Variants in SGCZ observed in about 807,000 individuals in gnomAD.
SGCZ encodes sarcoglycan zeta.
Under a neutral mutation model 41.3 loss-of-function variants are expected in SGCZ, and 40 were observed. That is an observed-to-expected ratio of 0.97 (90% confidence interval 0.75 to 1.26). The LOEUF is 1.26. SGCZ is among the 50% of genes most tolerant of loss of function. The pLI, the probability that SGCZ is intolerant of heterozygous loss-of-function variation, is 0.00. For synonymous variants in SGCZ, 206 were observed against 137.5 expected (o/e 1.50, Z -3.49); for missense variants, 552 against 369.8 (o/e 1.49, Z -4.04).
In SGCZ at chr8:14,866,741, A is replaced by G. The variant is rs60485468; in HGVS notation, c.40-311815T>C. Among the ~76,000 whole-genome samples the G allele has an allele frequency of 4.0e-3, 615 of 152,098 alleles. 4 individuals are homozygous for G. The highest frequency in any genetic ancestry group is 0.018 in the South Asian group (87 of 4,822). On this transcript the variant is annotated intron_variant, in intron 1 of 7. Transcript: ENST00000382080. ...GGGAGGATAGCCTGAGACCCAGAAG[A>G]CTTGATCTCACCATTTTACACCAGC...
chr8:14,654,632 C>T (rs944369147), intron 1 of SGCZ, among the ~76,000 whole-genome samples: 6 of 151,846 alleles, frequency 4.0e-5, no homozygotes, highest in Non-Finnish European at 5.9e-5. Flanking sequence ...AATGCAATGG[C>T]GTGATCTCGG....
rs1356492913 is a variant in SGCZ at position 14,090,462 on chromosome 8, T to C, written c.920A>G (p.Asn307Ser). The stretch of plus-strand genomic sequence containing the variant: ...GTCACTTCAGCTCCACAGGCAGATG[T>C]TGCTACTGGACTGACAAGTGGAACC... ...GVGSTCQSSS[N>S]ICLWS Residue 307 changes from asparagine to serine, a missense_variant, in exon 8 of 8, where the codon AAC becomes AGC. Physicochemically the swap from Asn to Ser is conservative, Grantham distance 46. Transcript: ENST00000382080. 1 of 1,612,258 alleles carries C rather than the reference T, an allele frequency of 6.2e-7. No individual in the cohort carries two copies. The highest frequency in any genetic ancestry group is 1.7e-5 in the Admixed American group (1 of 59,818).
intron 2 of SGCZ, chr8:14,332,624 C>T (rs1285452920): frequency 6.6e-6 from 1 of 151,894 alleles, no homozygotes; most frequent in African/African-American, 2.4e-5. Context: ...AATCCTTCTA[C>T]TCTTTTCCCC....
chr8:14,479,352 G>C (rs920608471), intron 2 of SGCZ, among the ~76,000 whole-genome samples: 16 of 152,244 alleles, frequency 1.1e-4, no homozygotes, highest in African/African-American at 3.6e-4. Flanking sequence ...AGCGAGTCTC[G>C]TATTTCCTCT....
intron 5 of SGCZ, among the ~76,000 whole-genome samples, chr8:14,135,224 A>C (rs1803160185): frequency 6.6e-6 from 1 of 152,236 alleles, no homozygotes; most frequent in African/African-American, 2.4e-5. Context: ...ATAAATAATA[A>C]AATAAATTCA....
At chr8:14,569,220 G>C (rs1804475857) in intron 1 of SGCZ, among the ~76,000 whole-genome samples, 1 of 152,126 alleles carries the variant, frequency 6.6e-6, no homozygotes, top group Admixed American at 6.5e-5. Flanking sequence ...TCTGTTGACA[G>C]TGCACAGTAT....
rs774458064 is a variant in SGCZ, at chr8:14,275,894, A to G, written c.337-38215T>C. Among the ~76,000 whole-genome samples, 113 of 152,214 alleles carry G rather than the reference A, an allele frequency of 7.4e-4. 1 individual carries two copies. The highest frequency in any genetic ancestry group is 9.3e-4 in the Non-Finnish European group (63 of 68,050). On this transcript the variant is annotated intron_variant, in intron 3 of 7. Coordinates refer to ENST00000382080, the MANE Select transcript of SGCZ (RefSeq NM_139167.4). ...TGGAAGACAGATCCAGGGTAAACAT[A>G]GTATCCTTTGTCTGCTAAACTCTTT...
intron 4 of SGCZ, among the ~76,000 whole-genome samples, chr8:14,183,340 T>A (rs762598841): frequency 1.3e-5 from 2 of 151,830 alleles, no homozygotes; most frequent in Admixed American, 1.3e-4. Flanking sequence ...AAGAAAATGA[T>A]AGAAAATCAT....
At chr8:14,493,037 C>T (rs924001387) in intron 2 of SGCZ, among the ~76,000 whole-genome samples, 42 of 152,122 alleles carry the variant, frequency 2.8e-4, no homozygotes, top group African/African-American at 1.0e-3. Context: ...AAGTGCTCTC[C>T]CTGATTGTCT....
intron 5 of SGCZ, among the ~76,000 whole-genome samples, chr8:14,132,971 T>C (rs1803087359): frequency 6.6e-6 from 1 of 152,142 alleles, no homozygotes; most frequent in South Asian, 2.1e-4. Context: ...GCTAGTGTTT[T>C]GAGAAGATTT....
chr8:14,777,141 T>C (rs1268988351), intron 1 of SGCZ, among the ~76,000 whole-genome samples: 1 of 152,198 alleles, frequency 6.6e-6, no homozygotes, highest in Admixed American at 6.5e-5. Context: ...ATGCTCAAGA[T>C]GTGGCATTTG....
intron 1 of SGCZ, among the ~76,000 whole-genome samples, chr8:14,924,945 C>A (rs974176075): frequency 2.0e-5 from 3 of 150,924 alleles, no homozygotes; most frequent in African/African-American, 7.3e-5. Flanking sequence ...GCAACCTCTG[C>A]CTTTTGGGTT....
At chr8:14,125,553 C>T (rs1234652182) in intron 5 of SGCZ, among the ~76,000 whole-genome samples, 3 of 151,384 alleles carry the variant, frequency 2.0e-5, no homozygotes, top group African/African-American at 7.3e-5. Context: ...GGCCACACTG[C>T]CCAAAGTAAT....
In SGCZ at chr8:14,240,656, T is replaced by C. The variant is rs183719845; in HGVS notation, c.337-2977A>G. Among the ~76,000 whole-genome samples the C allele has an allele frequency of 1.5e-4, 23 of 152,316 alleles. No homozygotes were observed. In the East Asian group the frequency reaches 4.4e-3, roughly 29 times the overall value. The stretch of plus-strand genomic sequence containing the variant: ...CAATATAGTATTAAGCTATACTTAT[T>C]TATTATAATGTGATCAAGTGATCTG... On this transcript the variant is annotated intron_variant, in intron 3 of 7. Transcript: ENST00000382080.
rs142776499 is a variant in SGCZ at position 14,571,068 on chromosome 8, A to G, written c.40-16142T>C. On this transcript the variant is annotated intron_variant, in intron 1 of 7. Coordinates refer to ENST00000382080, the MANE Select transcript of SGCZ (RefSeq NM_139167.4). Reference sequence around the variant, plus strand: ...CACCTGAGACTGGGTTTATAAAGGAAAGAGGTTTGACTCTCAGTTCCACAT... The same window carrying G: ...CACCTGAGACTGGGTTTATAAAGGAGAGAGGTTTGACTCTCAGTTCCACAT... 9.8e-3 allele frequency among the ~76,000 whole-genome samples: 1,500 copies of G among 152,308 alleles called. 25 individuals carry two copies. Among genetic ancestry groups the G allele is most frequent in the African/African-American group, 0.034 (1,431 of 41,564 alleles).
At position 14,816,479 on chromosome 8, in the gene SGCZ, G is replaced by A. The variant is rs1801905847; in HGVS notation, c.40-261553C>T. On this transcript the variant is annotated intron_variant, in intron 1 of 7. Transcript: ENST00000382080. ...CAGTAATTTTCCCTTATATGTGTAGGTATATAACTGTGAAATTCAACTTTC... is the reference window on the plus strand; with the variant it reads ...CAGTAATTTTCCCTTATATGTGTAGATATATAACTGTGAAATTCAACTTTC... Among the ~76,000 whole-genome samples, 4 of 152,074 alleles carry A rather than the reference G, an allele frequency of 2.6e-5. No individual in the cohort carries two copies. The South Asian group carries it at 8.3e-4, about 32-fold the overall frequency.
intron 1 of SGCZ, among the ~76,000 whole-genome samples, chr8:15,216,370 C>T (rs1801403444): frequency 6.6e-6 from 1 of 151,892 alleles, no homozygotes; most frequent in Non-Finnish European, 1.5e-5. Flanking sequence ...CAGGCACGCA[C>T]CACCACGCCT....
At chr8:15,194,176 C>T (rs1271955736) in intron 1 of SGCZ, among the ~76,000 whole-genome samples, 2 of 141,404 alleles carry the variant, frequency 1.4e-5, no homozygotes, top group South Asian at 2.3e-4. Context: ...CCTCGTGTCC[C>T]ACCTCTAATC....
At chr8:15,103,925 T>C (rs1014545411) in intron 1 of SGCZ, among the ~76,000 whole-genome samples, 1 of 152,170 alleles carries the variant, frequency 6.6e-6, no homozygotes, top group African/African-American at 2.4e-5. Flanking sequence ...TGTTGATTAG[T>C]GGAAACTCTT....
Sources: allele counts gnomAD v4.1 joint callset (sites outside exome capture counted in the v4.1 genomes callset), GRCh38; gene constraint gnomAD v4.1.1; transcripts MANE v1.5; gene names NCBI Gene and HGNC (gene_info 2026-07-23, HGNC 2026-07-21).